Variants in CLASP1 observed in about 807,000 individuals in gnomAD.
CLASP1 encodes CLIP-associating protein 1.
In CLASP1, 38 loss-of-function variants were observed where a neutral mutation model predicts 192.3. That is an observed-to-expected ratio of 0.20 (90% CI 0.15 to 0.26). The LOEUF is 0.26. CLASP1 is among the 10% of genes least tolerant of loss of function. CLASP1 has a pLI of 1.00. For synonymous variants in CLASP1, 691 were observed against 712.8 expected, an observed-to-expected ratio of 0.97 and a Z score of 0.49; for missense variants, 1,433 against 1,932.5, an observed-to-expected ratio of 0.74 and a Z score of 4.85.
intron 19 of CLASP1, among the ~76,000 whole-genome samples, chr2:121,440,802 AG>A (rs2083197967): frequency 6.6e-6 from 1 of 150,568 alleles, no homozygotes; most frequent in Admixed American, 6.6e-5. Flanking sequence ...GAGAAAAAAA[AG>A]TCAGCACAAG....
intron 7 of CLASP1, among the ~76,000 whole-genome samples, chr2:121,505,663 A>G (rs550444050): frequency 2.0e-5 from 3 of 152,314 alleles, no homozygotes; most frequent in African/African-American, 7.2e-5. Flanking sequence ...ATAACTAATG[A>G]TTACCCTCTG....
intron 29 of CLASP1, among the ~76,000 whole-genome samples, 182 bp from the exon 31 acceptor site, chr2:121,397,465 A>G (rs1278281428): frequency 6.6e-6 from 1 of 152,180 alleles, no homozygotes; most frequent in Non-Finnish European, 1.5e-5. Context: ...GCTGATGGGT[A>G]AGTTTGGGGA....
intron 2 of CLASP1, among the ~76,000 whole-genome samples, chr2:121,569,495 T>G (rs1323699669): frequency 6.6e-6 from 1 of 152,184 alleles, no homozygotes; most frequent in Non-Finnish European, 1.5e-5. Flanking sequence ...TTATTTTAAG[T>G]GTAATGGGAA....
At chr2:121,482,503 G>A (rs1447936823) in intron 8 of CLASP1, among the ~76,000 whole-genome samples, 4 of 152,114 alleles carry the variant, frequency 2.6e-5, no homozygotes, top group African/African-American at 4.8e-5. Context: ...TTGAAGAAGA[G>A]TATCTCTAAA....
At chr2:121,351,148 G>A (rs928364614) in intron 37 of CLASP1, among the ~76,000 whole-genome samples, 13 of 152,212 alleles carry the variant, frequency 8.5e-5, no homozygotes, top group East Asian at 3.9e-4. Flanking sequence ...TACAGCCAGC[G>A]CCATCATCAT....
At chr2:121,528,991 AG>A (rs780754372) in intron 3 of CLASP1, among the ~76,000 whole-genome samples, 2 of 152,216 alleles carry the variant, frequency 1.3e-5, no homozygotes, top group Non-Finnish European at 2.9e-5. Context: ...TTGCATGGAC[AG>A]ATACACTATT....
chr2:121,425,233 T>G (rs1375895945), exon 22 of CLASP1: 1 of 1,613,610 alleles, frequency 6.2e-7, no homozygotes, highest in Admixed American at 1.7e-5. Context: ...CAGGTGGGCC[T>G]CGTGAGGAGC....
intron 2 of CLASP1, among the ~76,000 whole-genome samples, chr2:121,580,604 CTT>C (rs1382578580): frequency 6.6e-6 from 1 of 152,194 alleles, no homozygotes; most frequent in African/African-American, 2.4e-5. Flanking sequence ...ACTGAAAACT[CTT>C]TATAAACTAC....
chr2:121,577,597 T>A (rs2060650354), intron 2 of CLASP1, among the ~76,000 whole-genome samples: 1 of 152,214 alleles, frequency 6.6e-6, no homozygotes, highest in Non-Finnish European at 1.5e-5. Flanking sequence ...TTTTCCTCAC[T>A]GTTCTGTGGC....
intron 22 of CLASP1, 44 bp downstream of exon 22, chr2:121,425,095 G>T: frequency 6.5e-7 from 1 of 1,546,554 alleles, no homozygotes; most frequent in South Asian, 1.2e-5. Context: ...TCAAAACTAT[G>T]ACCAAGCTGG....
chr2:121,528,225 CCT>C (rs57128090), intron 4 of CLASP1, among the ~76,000 whole-genome samples: 4,700 of 152,202 alleles, frequency 0.031, 153 homozygotes, highest in South Asian at 0.11. Flanking sequence ...CTCACACTGG[CCT>C]CTGTTTTTTC....
At chr2:121,639,134 G>A (rs373256029) in intron 1 of CLASP1, among the ~76,000 whole-genome samples, 11 of 151,998 alleles carry the variant, frequency 7.2e-5, no homozygotes, top group Non-Finnish European at 1.2e-4. Flanking sequence ...AAAATTAGCC[G>A]GGCTTGGTGG....
intron 1 of CLASP1, among the ~76,000 whole-genome samples, chr2:121,616,267 T>C (rs1357145967): frequency 6.6e-6 from 1 of 152,000 alleles, no homozygotes; most frequent in East Asian, 1.9e-4. Context: ...GCCAACATGG[T>C]GAAACCCCGT....
In CLASP1 at chr2:121,469,820, A is replaced by T. The variant is rs767640905; in HGVS notation, c.853T>A (p.Ser285Thr). The T allele has an allele frequency of 1.3e-5, 21 of 1,612,394 alleles. No homozygotes were observed. Among genetic ancestry groups the T allele is most frequent in the Non-Finnish European group, 1.8e-5 (21 of 1,179,374 alleles). The stretch of plus-strand genomic sequence containing the variant: ...GGCTTAGACTAACCTGAAGACTTGG[A>T]TCCAAGGGTGGATGAACCAAGCCGG... The change falls in exon 9 of 40, where the codon TCC becomes ACC. Residue 285 changes from serine (S) to threonine (T), a missense_variant. Ser to Thr is a moderately conservative substitution (Grantham distance 58). This residue lies in a region of CLASP1 where 282 missense variants were observed against 359.9 expected (regional missense o/e 0.78). Coordinates refer to ENST00000263710, the Ensembl canonical transcript of CLASP1.
Position 121,351,070 on chromosome 2 carries a change from G to C in CLASP1, c.4207-2352C>G, listed in dbSNP as rs540588765. 2.6e-5 allele frequency among the ~76,000 whole-genome samples: 4 copies of C among 152,292 alleles called. No individual in the cohort carries two copies. The East Asian group carries it at 5.8e-4, about 22-fold the overall frequency. On this transcript the variant is annotated intron_variant, in intron 37 of 39. Transcript: ENST00000263710. ...AAGGTGGCAGGGCAGTGCACTTGAG[G>C]AGCAGGCCGCACCTCATTCGTCTTC...
chr2:121,472,233 G>A lies in CLASP1; in HGVS notation c.713-2273C>T, dbSNP rs139096684. On this transcript the variant is annotated intron_variant, in intron 8 of 39. Coordinates refer to ENST00000263710, the Ensembl canonical transcript of CLASP1. ...ATTTAGAACAGTACTCAGTTGCCAA[G>A]AATTATTTTCAATGGACCAATTTCA... Among the ~76,000 whole-genome samples the A allele has an allele frequency of 1.1e-3, 162 of 152,252 alleles. 2 individuals are homozygous for A. In the East Asian group the frequency reaches 0.029, roughly 27 times the overall value.
At chr2:121,521,799 T>G (rs903542059) in intron 6 of CLASP1, among the ~76,000 whole-genome samples, 2 of 152,200 alleles carry the variant, frequency 1.3e-5, no homozygotes, top group African/African-American at 4.8e-5. Flanking sequence ...GGAGGCTGAC[T>G]ACTAGGTCAG....
chr2:121,360,821 A>G (rs1186297116), intron 37 of CLASP1, among the ~76,000 whole-genome samples: 1 of 152,196 alleles, frequency 6.6e-6, no homozygotes, highest in Non-Finnish European at 1.5e-5. Context: ...CTCTACCACA[A>G]GTCAGTAACA....
chr2:121,462,605 G>C, exon 10 of CLASP1: 1 of 1,592,734 alleles, frequency 6.3e-7, no homozygotes, highest in Non-Finnish European at 8.6e-7. Context: ...TTCTTTTGCA[G>C]CTGTAAAAAA....
Sources: gnomAD v4.1 joint callset for allele counts (sites outside exome capture counted in the v4.1 genomes callset) on GRCh38, gnomAD v4.1.1 for gene constraint, gnomAD v4.1.1 regional missense constraint, MANE v1.5 for transcripts, NCBI Gene and HGNC (gene_info 2026-07-23, HGNC 2026-07-21) for gene names.